FRMD4A: variants seen among roughly 807,000 people sequenced by gnomAD.
The protein encoded by FRMD4A is FERM domain-containing protein 4A.
Under a neutral mutation model 129.1 loss-of-function variants are expected in FRMD4A, and 29 were observed. The observed-to-expected ratio is 0.22, with a 90% confidence interval of 0.17 to 0.31. FRMD4A has a LOEUF of 0.31. FRMD4A is among the 10% of genes least tolerant of loss of function. The pLI, the probability that FRMD4A is intolerant of heterozygous loss-of-function variation, is 1.00. For missense variants in FRMD4A, 1,272 were observed against 1,375.8 expected, an observed-to-expected ratio of 0.92 and a Z score of 1.19; for synonymous variants, 634 against 571.6, an observed-to-expected ratio of 1.11 and a Z score of -1.56.
chr10:13,886,224 G>A (rs922037234), intron 2 of FRMD4A, among the ~76,000 whole-genome samples: 4 of 10,412 alleles, frequency 3.8e-4, no homozygotes, highest in African/African-American at 7.5e-4. Context: ...ATTACCTGCC[G>A]TTTTTGTTTT....
In FRMD4A at chr10:13,721,439, G is replaced by A. The variant is rs11258557; in HGVS notation, c.760-14326C>T. Reference sequence around the variant, plus strand: ...AGAGGTTGCAGTGAGCCGAGATTGCGCCACTGCACTCCAGCATGGATGATA... The same window carrying A: ...AGAGGTTGCAGTGAGCCGAGATTGCACCACTGCACTCCAGCATGGATGATA... On this transcript the variant is annotated intron_variant, in intron 12 of 24. Transcript: ENST00000357447. Among the ~76,000 whole-genome samples, 136 of 152,114 alleles carry A rather than the reference G, an allele frequency of 8.9e-4. 1 individual carries two copies. Among genetic ancestry groups the A allele is most frequent in the African/African-American group, 3.0e-3 (125 of 41,498 alleles).
intron 2 of FRMD4A, among the ~76,000 whole-genome samples, chr10:14,195,919 G>A (rs74122396): frequency 0.018 from 2,810 of 152,218 alleles, 85 homozygotes; most frequent in African/African-American, 0.063. Flanking sequence ...AGTTCCTTAC[G>A]ACTTCACGAC....
At chr10:13,812,468 G>A (rs1440246425) in intron 3 of FRMD4A, among the ~76,000 whole-genome samples, 2 of 152,224 alleles carry the variant, frequency 1.3e-5, no homozygotes, top group African/African-American at 4.8e-5. Context: ...TGAAATGACT[G>A]TTTAATACAA....
intron 2 of FRMD4A, among the ~76,000 whole-genome samples, chr10:13,903,952 T>C (rs1025538248): frequency 2.6e-5 from 4 of 152,218 alleles, no homozygotes; most frequent in African/African-American, 9.6e-5. Flanking sequence ...AATTGCAGTC[T>C]TAAGAACTTA....
intron 2 of FRMD4A, among the ~76,000 whole-genome samples, chr10:14,238,904 G>T (rs1003297075): frequency 5.9e-5 from 9 of 152,176 alleles, no homozygotes; most frequent in African/African-American, 1.9e-4. Flanking sequence ...TGGTGTATAT[G>T]TGCCACATTT....
chr10:13,951,932 A>AATAAT (rs2095374469), intron 2 of FRMD4A, among the ~76,000 whole-genome samples: 2 of 85,012 alleles, frequency 2.4e-5, no homozygotes, highest in Non-Finnish European at 5.5e-5. Context: ...ATAATAATAA[A>AATAAT]CAATCTAAAA....
At chr10:13,940,553 G>T (rs1337458159) in intron 2 of FRMD4A, among the ~76,000 whole-genome samples, 1 of 152,144 alleles carries the variant, frequency 6.6e-6, no homozygotes, top group Non-Finnish European at 1.5e-5. Flanking sequence ...CCTATGTATA[G>T]GCCTGAGGGT....
chr10:13,700,741 G>C (rs892967097), intron 14 of FRMD4A, among the ~76,000 whole-genome samples: 4 of 151,578 alleles, frequency 2.6e-5, no homozygotes, highest in Non-Finnish European at 5.9e-5. Context: ...CAGAGTCAGG[G>C]GTGGTGACAT....
chr10:13,692,306 C>G (rs1358731437), intron 15 of FRMD4A: 1 of 152,078 alleles, frequency 6.6e-6, no homozygotes, highest in African/African-American at 2.4e-5. Flanking sequence ...CACCACCACA[C>G]TCGGCTAATT....
intron 2 of FRMD4A, among the ~76,000 whole-genome samples, chr10:13,987,685 T>G (rs2095586650): frequency 6.6e-6 from 1 of 152,144 alleles, no homozygotes; most frequent in Non-Finnish European, 1.5e-5. Flanking sequence ...CTCATCCGTC[T>G]CTCTTCCCCG....
chr10:14,327,067 A>C, intron 2 of FRMD4A: 1 of 398,038 alleles, frequency 2.5e-6, no homozygotes. Flanking sequence ...TGGTCCAGGC[A>C]TGCTTACCAC....
intron 2 of FRMD4A, among the ~76,000 whole-genome samples, chr10:14,270,365 G>C (rs934284907): frequency 6.6e-6 from 1 of 152,022 alleles, no homozygotes; most frequent in Non-Finnish European, 1.5e-5. Flanking sequence ...GCAATATAAG[G>C]TAACATCTTC....
intron 2 of FRMD4A, among the ~76,000 whole-genome samples, chr10:14,067,089 G>C (rs146653526): frequency 0.021 from 3,159 of 152,148 alleles, 98 homozygotes; most frequent in African/African-American, 0.07. Flanking sequence ...AGGCCGAGGT[G>C]GGTGGATCAT....
At chr10:13,684,249 G>T (rs1312350253) in intron 15 of FRMD4A, 18 of 832,188 alleles carry the variant, frequency 2.2e-5, no homozygotes, top group Non-Finnish European at 2.5e-5. Context: ...TCTGGCCAAC[G>T]AGGAAGACAA....
chr10:13,752,521 G>A (rs1297716981), intron 8 of FRMD4A, among the ~76,000 whole-genome samples: 2 of 152,178 alleles, frequency 1.3e-5, no homozygotes, highest in East Asian at 3.8e-4. Context: ...AACTTGGGAC[G>A]AACAGAATAG....
At chr10:13,844,512 T>C (rs887161015) in intron 3 of FRMD4A, among the ~76,000 whole-genome samples, 3 of 152,182 alleles carry the variant, frequency 2.0e-5, no homozygotes, top group Admixed American at 1.3e-4. Flanking sequence ...ATAAAGAATT[T>C]TGATAATACC....
At chr10:14,081,626 T>C (rs902166280) in intron 2 of FRMD4A, among the ~76,000 whole-genome samples, 1 of 152,210 alleles carries the variant, frequency 6.6e-6, no homozygotes, top group Non-Finnish European at 1.5e-5. Flanking sequence ...CATCATCCAA[T>C]AATCATAATA....
intron 2 of FRMD4A, among the ~76,000 whole-genome samples, chr10:14,125,643 C>A (rs1328771912): frequency 6.6e-6 from 1 of 152,190 alleles, no homozygotes; most frequent in African/African-American, 2.4e-5. Flanking sequence ...CTAAATCCTG[C>A]AAATGTGTAT....
At chr10:13,827,174 G>A (rs1185619968) in intron 3 of FRMD4A, among the ~76,000 whole-genome samples, 3 of 152,140 alleles carry the variant, frequency 2.0e-5, no homozygotes, top group Non-Finnish European at 4.4e-5. Flanking sequence ...ATCTCGCGAG[G>A]TTACACAAGC....
Sources: allele counts gnomAD v4.1 joint callset (sites outside exome capture counted in the v4.1 genomes callset), GRCh38; gene constraint gnomAD v4.1.1; transcripts MANE v1.5; gene names NCBI Gene and HGNC (gene_info 2026-07-23, HGNC 2026-07-21).